PTPRD: variants seen among roughly 807,000 people sequenced by gnomAD.
PTPRD encodes receptor-type tyrosine-protein phosphatase delta.
Under a neutral mutation model 214.5 loss-of-function variants are expected in PTPRD, and 34 were observed. The observed-to-expected ratio is 0.16, with a 90% CI of 0.12 to 0.21. The LOEUF (loss-of-function observed/expected upper bound fraction) is 0.21. Among genes scored for constraint, PTPRD ranks in the 10% least tolerant of loss-of-function variants. The probability of loss-of-function intolerance (pLI) is 1.00; values close to 1 mark genes in which losing one functional copy is unlikely to be tolerated. For synonymous variants in PTPRD, 1,128 were observed against 845.7 expected (o/e 1.33, Z -5.79); for missense variants, 2,545 against 2,398.7 (o/e 1.06, Z -1.27).
chr9:9,340,796 A>T (rs2137271618), intron 9 of PTPRD, among the ~76,000 whole-genome samples: 1 of 152,360 alleles, frequency 6.6e-6, no homozygotes, highest in Middle Eastern at 3.4e-3. Flanking sequence ...GGATTCACTT[A>T]AAAATAAATT....
At chr9:9,613,121 A>C (rs1282133049) in intron 7 of PTPRD, among the ~76,000 whole-genome samples, 1 of 47,342 alleles carries the variant, frequency 2.1e-5, no homozygotes, top group Non-Finnish European at 4.1e-5. Context: ...GCTAGGCTGC[A>C]GTATACATAC....
rs182242943 is a variant in PTPRD at position 10,157,801 on chromosome 9, C to A, written c.-544-124011G>T. Among the ~76,000 whole-genome samples, 304 of 152,228 alleles carry A rather than the reference C, an allele frequency of 2.0e-3. 4 individuals are homozygous for A. Among genetic ancestry groups the A allele is most frequent in the African/African-American group, 6.9e-3 (286 of 41,552 alleles). ...ATGAATCATAGATTTGACCTCCATA[C>A]ATAACCTCATGCTTTTCATTAGTTT... On this transcript the variant is annotated intron_variant, in intron 3 of 45. Coordinates refer to ENST00000381196, the MANE Select transcript of PTPRD (RefSeq NM_002839.4).
chr9:8,368,869 T>C (rs555308188), intron 39 of PTPRD, among the ~76,000 whole-genome samples: 1 of 152,228 alleles, frequency 6.6e-6, no homozygotes, highest in African/African-American at 2.4e-5. Context: ...TCTGGCATAA[T>C]GGGTTCCACA....
intron 2 of PTPRD, among the ~76,000 whole-genome samples, chr9:10,455,914 T>A (rs996407113): frequency 6.6e-6 from 1 of 151,846 alleles, no homozygotes; most frequent in East Asian, 1.9e-4. Context: ...TAAGATGTAA[T>A]GTAGTTACAA....
chr9:8,340,840 ATTCT>A (rs1418406523), intron 41 of PTPRD, among the ~76,000 whole-genome samples: 2 of 152,232 alleles, frequency 1.3e-5, no homozygotes, highest in East Asian at 1.9e-4. Flanking sequence ...TACAAAACAG[ATTCT>A]TTATTAACTA....
rs528627322 is a variant in PTPRD at position 9,314,163 on chromosome 9, T to C, written c.-203+83286A>G. Among the ~76,000 whole-genome samples the C allele has an allele frequency of 4.6e-5, 7 of 152,236 alleles. No individual in the cohort carries two copies. In the South Asian group the frequency reaches 1.2e-3, roughly 27 times the overall value. The stretch of plus-strand genomic sequence containing the variant: ...GTGCATTATTAAGATAGTCTGAATA[T>C]GGTAATTTTCATAATGAGATTTATT... On this transcript the variant is annotated intron_variant, in intron 9 of 45. Coordinates refer to ENST00000381196, the MANE Select transcript of PTPRD (RefSeq NM_002839.4).
At chr9:9,698,379 C>T (rs539263591) in intron 7 of PTPRD, among the ~76,000 whole-genome samples, 7 of 152,212 alleles carry the variant, frequency 4.6e-5, no homozygotes, top group East Asian at 1.9e-4. Flanking sequence ...GCCTTAAGCC[C>T]GGGTTTGTCT....
intron 9 of PTPRD, among the ~76,000 whole-genome samples, chr9:9,344,004 A>G (rs993918467): frequency 1.3e-5 from 2 of 152,170 alleles, no homozygotes; most frequent in African/African-American, 4.8e-5. Context: ...CATTAATAAT[A>G]TGTATCTTAG....
At chr9:10,185,739 CG>C (rs2154314009) in intron 3 of PTPRD, among the ~76,000 whole-genome samples, 1 of 151,946 alleles carries the variant, frequency 6.6e-6, no homozygotes, top group South Asian at 2.1e-4. Context: ...GTAGAACCAG[CG>C]GTTTTTTTTT....
chr9:8,998,763 G>C (rs963441447), intron 11 of PTPRD, among the ~76,000 whole-genome samples: 3 of 152,034 alleles, frequency 2.0e-5, no homozygotes, highest in African/African-American at 7.2e-5. Context: ...GTATTCACTA[G>C]TCTACATGCC....
chr9:10,307,505 T>C (rs900781534), intron 3 of PTPRD, among the ~76,000 whole-genome samples: 1 of 152,130 alleles, frequency 6.6e-6, no homozygotes, highest in Non-Finnish European at 1.5e-5. Context: ...CTATTGTAAA[T>C]AGAGCTACAA....
chr9:8,403,336 A>G (rs1316825452), intron 36 of PTPRD, among the ~76,000 whole-genome samples: 2 of 152,250 alleles, frequency 1.3e-5, no homozygotes, highest in Admixed American at 1.3e-4. Flanking sequence ...TTTCTAAAAT[A>G]TCTTCAAGAA....
chr9:9,342,391 A>G (rs2047142999), intron 9 of PTPRD, among the ~76,000 whole-genome samples: 1 of 152,168 alleles, frequency 6.6e-6, no homozygotes, highest in Non-Finnish European at 1.5e-5. Context: ...AGATGATGAT[A>G]CAGGGTTAAA....
intron 11 of PTPRD, among the ~76,000 whole-genome samples, chr9:8,949,347 G>C (rs924592390): frequency 6.6e-6 from 1 of 151,908 alleles, no homozygotes. Flanking sequence ...TATTTTTAAA[G>C]ACAACATTTT....
At chr9:8,811,938 T>TGGCCACACAGG (rs1420085531) in intron 11 of PTPRD, among the ~76,000 whole-genome samples, 57 of 152,170 alleles carry the variant, frequency 3.7e-4, no homozygotes, top group Non-Finnish European at 7.8e-4. Context: ...GAGGCCTGAG[T>TGGCCACACAGG]GAAGATCTGC....
At chr9:8,688,362 C>T (rs1043808848) in intron 12 of PTPRD, among the ~76,000 whole-genome samples, 8 of 151,882 alleles carry the variant, frequency 5.3e-5, no homozygotes, top group East Asian at 1.9e-4. Flanking sequence ...TTCAGGAGAT[C>T]GAGACTATCC....
At chr9:8,925,953 T>G (rs1252714751) in intron 11 of PTPRD, among the ~76,000 whole-genome samples, 1 of 151,732 alleles carries the variant, frequency 6.6e-6, no homozygotes, top group African/African-American at 2.4e-5. Flanking sequence ...ATTTCTCTTG[T>G]TTACAATCCT....
intron 11 of PTPRD, among the ~76,000 whole-genome samples, chr9:8,782,961 G>C (rs1363901383): frequency 6.6e-6 from 1 of 152,104 alleles, no homozygotes; most frequent in Non-Finnish European, 1.5e-5. Flanking sequence ...TAGGTAAGCA[G>C]TGATGTTTTA....
chr9:8,501,079 A>G lies in PTPRD; in HGVS notation c.1823-20T>C, dbSNP rs774150736. ...ACGGCTCTTATTTTGGTAGTGAGTT[A>G]AAGGAGGATTTAAGTGAAAGGACAG... On this transcript the variant is annotated intron_variant, in intron 23 of 45. Coordinates refer to ENST00000381196, the MANE Select transcript of PTPRD (RefSeq NM_002839.4). 1.9e-5 allele frequency: 31 copies of G among 1,596,040 alleles called. No individual in the cohort carries two copies. Among genetic ancestry groups the G allele is most frequent in the Non-Finnish European group, 1.7e-6 (2 of 1,167,428 alleles).
Sources: allele counts gnomAD v4.1 joint callset (sites outside exome capture counted in the v4.1 genomes callset), GRCh38; gene constraint gnomAD v4.1.1; transcripts MANE v1.5; gene names NCBI Gene and HGNC (gene_info 2026-07-23, HGNC 2026-07-21).